Variants in ROBO1 observed in about 807,000 individuals in gnomAD.
The protein encoded by ROBO1 is roundabout guidance receptor 1, also known as roundabout homolog 1.
ROBO1 carries 149 observed loss-of-function variants against 195.9 expected under a neutral mutation model. The ratio of observed to expected loss-of-function variants is 0.76; its 90% confidence interval spans 0.67 to 0.87. The LOEUF is 0.87. Ranked by LOEUF, ROBO1 falls within the 40% of genes least tolerant of loss-of-function variation. The pLI is 0.00. For missense variants in ROBO1, 1,933 were observed against 2,068.3 expected (o/e 0.93, Z 1.27); for synonymous variants, 816 against 733.2 (o/e 1.11, Z -1.82).
chr3:78,724,570 T>A (rs2082120235), intron 5 of ROBO1, among the ~76,000 whole-genome samples: 1 of 144,058 alleles, frequency 6.9e-6, no homozygotes, highest in Non-Finnish European at 1.5e-5. Flanking sequence ...TAGTCCCACC[T>A]ACTCTGGAGG....
chr3:79,257,453 T>C (rs1467556375), intron 2 of ROBO1, among the ~76,000 whole-genome samples: 1 of 152,124 alleles, frequency 6.6e-6, no homozygotes, highest in African/African-American at 2.4e-5. Flanking sequence ...CCCACTCTTT[T>C]AGCCAGGCCA....
At chr3:79,743,241 T>A (rs1282856007) in intron 1 of ROBO1, among the ~76,000 whole-genome samples, 1 of 152,230 alleles carries the variant, frequency 6.6e-6, no homozygotes, top group Non-Finnish European at 1.5e-5. Context: ...CATACCCTAT[T>A]GCTTCTAGAC....
At chr3:79,671,039 GA>G (rs978102516) in intron 1 of ROBO1, among the ~76,000 whole-genome samples, 2 of 151,544 alleles carry the variant, frequency 1.3e-5, no homozygotes, top group Non-Finnish European at 3.0e-5. Context: ...TGAGAAAGTG[GA>G]AAAAAAGCTG....
chr3:79,658,405 C>T (rs1946232826), intron 1 of ROBO1, among the ~76,000 whole-genome samples: 1 of 152,046 alleles, frequency 6.6e-6, no homozygotes, highest in Non-Finnish European at 1.5e-5. Flanking sequence ...CTTCCAATCA[C>T]TTCAAGGGTC....
At chr3:79,558,532 T>C (rs1358885231) in intron 2 of ROBO1, among the ~76,000 whole-genome samples, 1 of 152,220 alleles carries the variant, frequency 6.6e-6, no homozygotes, top group East Asian at 1.9e-4. Flanking sequence ...TCAACAGTAA[T>C]ACACAGATTT....
chr3:78,981,628 A>T (rs1401798405), intron 3 of ROBO1, among the ~76,000 whole-genome samples: 2 of 152,074 alleles, frequency 1.3e-5, no homozygotes, highest in Admixed American at 6.6e-5. Flanking sequence ...TCTACCCTTA[A>T]AGTAGTACCA....
At chr3:78,956,663 A>G (rs2041064738) in intron 3 of ROBO1, among the ~76,000 whole-genome samples, 1 of 152,220 alleles carries the variant, frequency 6.6e-6, no homozygotes, top group Non-Finnish European at 1.5e-5. Context: ...ACCTAGTGGT[A>G]TAGACAAGCA....
In ROBO1 at chr3:78,720,356, C is replaced by G. The variant is rs373224670; in HGVS notation, c.658-2473G>C. ...ACACATGAAAAAATGCTCATCATCA[C>G]TGGCCATCAGAGAAATGCAAATCCA... On this transcript the variant is annotated intron_variant, in intron 5 of 30. Coordinates refer to ENST00000464233, the MANE Select transcript of ROBO1 (RefSeq NM_002941.4). 2.6e-4 allele frequency among the ~76,000 whole-genome samples: 40 copies of G among 152,340 alleles called. No homozygotes were observed. The South Asian group carries it at 7.3e-3, about 28-fold the overall frequency.
chr3:79,745,838 A>C (rs1204632239), intron 1 of ROBO1, among the ~76,000 whole-genome samples: 2 of 152,116 alleles, frequency 1.3e-5, no homozygotes, highest in Admixed American at 1.3e-4. Flanking sequence ...AAGTTAGTTT[A>C]TTCTTTTTTT....
At chr3:78,615,847 CA>C (rs1221352048) in intron 27 of ROBO1, among the ~76,000 whole-genome samples, 4 of 152,146 alleles carry the variant, frequency 2.6e-5, no homozygotes, top group African/African-American at 9.7e-5. Flanking sequence ...ATTGGATATT[CA>C]TATTAACTTC....
chr3:79,230,246 CTCTT>C (rs1288734923), intron 2 of ROBO1, among the ~76,000 whole-genome samples: 3 of 152,236 alleles, frequency 2.0e-5, no homozygotes, highest in South Asian at 2.1e-4. Flanking sequence ...ATTGCAGACT[CTCTT>C]TCTTTTACTG....
intron 2 of ROBO1, among the ~76,000 whole-genome samples, chr3:79,201,540 C>T (rs2081763506): frequency 6.6e-6 from 1 of 151,928 alleles, no homozygotes; most frequent in Non-Finnish European, 1.5e-5. Context: ...GAAAGATTTT[C>T]AATTTTACAC....
At chr3:78,854,294 A>ATT (rs1345379885) in intron 4 of ROBO1, among the ~76,000 whole-genome samples, 1 of 147,250 alleles carries the variant, frequency 6.8e-6, no homozygotes, top group African/African-American at 2.5e-5. Flanking sequence ...TGTATTATAT[A>ATT]TAAAACTATA....
At chr3:79,403,565 G>A (rs921069045) in intron 2 of ROBO1, among the ~76,000 whole-genome samples, 1 of 151,888 alleles carries the variant, frequency 6.6e-6, no homozygotes, top group Non-Finnish European at 1.5e-5. Context: ...CAGTAAAATT[G>A]GACATCGTTT....
At chr3:79,399,418 C>T (rs2037279655) in intron 2 of ROBO1, among the ~76,000 whole-genome samples, 1 of 152,110 alleles carries the variant, frequency 6.6e-6, no homozygotes, top group Non-Finnish European at 1.5e-5. Flanking sequence ...GCCAAGTACA[C>T]TGTTAATATC....
At chr3:79,562,404 A>G (rs1942951531) in intron 2 of ROBO1, among the ~76,000 whole-genome samples, 2 of 152,134 alleles carry the variant, frequency 1.3e-5, no homozygotes. Context: ...TCTGGGGTAC[A>G]TGCGCGTAAC....
In ROBO1 at chr3:78,667,969, T is replaced by C. The variant is rs777724370; in HGVS notation, c.1880A>G (p.Asn627Ser). 6.2e-7 allele frequency: 1 copy of C among 1,613,782 alleles called. No homozygotes were observed. The highest frequency in any genetic ancestry group is 1.7e-5 in the Admixed American group (1 of 59,968). ...ETSAIKGLKP[N>S]AIYLFLVRAA... ...CCTCACAAGGAAAAGGTAAATTGCA[T>C]TAGGTTTGAGTCCTTTAATGGCAGA... Residue 627 changes from asparagine (N) to serine (S), a missense_variant, in exon 14 of 31, where the codon AAT (asparagine) becomes AGT (serine). Physicochemically the swap from Asn to Ser is conservative, Grantham distance 46. This residue lies in a region of ROBO1 where 1,737 missense variants were observed against 1,882.5 expected (regional missense o/e 0.92). Coordinates refer to ENST00000464233, the MANE Select transcript of ROBO1 (RefSeq NM_002941.4).
rs79880880 is a variant in ROBO1, at chr3:78,830,370, A to G, written c.500-83470T>C. On this transcript the variant is annotated intron_variant, in intron 4 of 30. Coordinates refer to ENST00000464233, the MANE Select transcript of ROBO1 (RefSeq NM_002941.4). ...TCCTGTGATGGAAGAATCCCTGGAGATTATAATCCACTGTATTAATCTGTT... is the reference window on the plus strand; with the variant it reads ...TCCTGTGATGGAAGAATCCCTGGAGGTTATAATCCACTGTATTAATCTGTT... Among the ~76,000 whole-genome samples the G allele has an allele frequency of 2.3e-3, 348 of 152,304 alleles. 11 individuals are homozygous for G. The East Asian group carries it at 0.045, about 20-fold the overall frequency.
chr3:79,649,000 T>A (rs1945918992), intron 1 of ROBO1, among the ~76,000 whole-genome samples: 1 of 152,132 alleles, frequency 6.6e-6, no homozygotes. Context: ...CAACATTTTT[T>A]AAGTGTAGCT....
Sources: gnomAD v4.1 joint callset for allele counts (sites outside exome capture counted in the v4.1 genomes callset) on GRCh38, gnomAD v4.1.1 for gene constraint, gnomAD v4.1.1 regional missense constraint, MANE v1.5 for transcripts, NCBI Gene and HGNC (gene_info 2026-07-23, HGNC 2026-07-21) for gene names.